GRID2: variants seen among roughly 807,000 people sequenced by gnomAD.
GRID2 encodes glutamate ionotropic receptor delta type subunit 2, also known as glutamate receptor ionotropic, delta-2.
In GRID2, 33 loss-of-function variants were observed where a neutral mutation model predicts 114.8. That is an observed-to-expected ratio of 0.29 (90% CI 0.22 to 0.38). The LOEUF is 0.38. Among genes scored for constraint, GRID2 ranks in the 10% least tolerant of loss-of-function variants. The pLI is 1.00. For synonymous variants in GRID2, 505 were observed against 449.9 expected (o/e 1.12, Z -1.55); for missense variants, 1,184 against 1,257.7 (o/e 0.94, Z 0.89).
At chr4:93,168,447 A>T (rs1168726872) in intron 4 of GRID2, among the ~76,000 whole-genome samples, 2 of 152,158 alleles carry the variant, frequency 1.3e-5, no homozygotes, top group Non-Finnish European at 2.9e-5. Context: ...ATGTGTGTAT[A>T]TATATGTATA....
At chr4:93,557,694 A>G (rs1734455391) in intron 13 of GRID2, among the ~76,000 whole-genome samples, 1 of 152,194 alleles carries the variant, frequency 6.6e-6, no homozygotes, top group South Asian at 2.1e-4. Flanking sequence ...CAGAAAGTTA[A>G]CAAGGATATT....
chr4:92,656,073 C>T (rs1732217445), intron 2 of GRID2, among the ~76,000 whole-genome samples: 1 of 151,624 alleles, frequency 6.6e-6, no homozygotes, highest in African/African-American at 2.4e-5. Flanking sequence ...TTTTATCTTG[C>T]AGAGTAGTAG....
At chr4:93,069,952 G>T (rs572295750) in intron 2 of GRID2, among the ~76,000 whole-genome samples, 182 of 152,216 alleles carry the variant, frequency 1.2e-3, no homozygotes, top group African/African-American at 4.0e-3. Flanking sequence ...TTACTTGGTT[G>T]TTGGTTGTTT....
chr4:93,097,838 AATGAGCC>A (rs1338647147), intron 3 of GRID2, among the ~76,000 whole-genome samples: 16 of 151,926 alleles, frequency 1.1e-4, no homozygotes, highest in Admixed American at 1.1e-3. Context: ...CATTGATCAA[AATGAGCC>A]ATTTTCTGGA....
intron 14 of GRID2, among the ~76,000 whole-genome samples, chr4:93,679,694 A>G (rs1725307084): frequency 6.6e-6 from 1 of 151,206 alleles, no homozygotes; most frequent in South Asian, 2.1e-4. Context: ...ACATAACAAA[A>G]TGAAGGCAGA....
At chr4:92,311,005 A>C (rs748742701) in intron 1 of GRID2, among the ~76,000 whole-genome samples, 3 of 152,088 alleles carry the variant, frequency 2.0e-5, no homozygotes, top group Non-Finnish European at 4.4e-5. Flanking sequence ...TATTCTGGAT[A>C]ACTAGTATCT....
chr4:92,594,615 C>T (rs1728861210), intron 2 of GRID2, among the ~76,000 whole-genome samples: 1 of 151,882 alleles, frequency 6.6e-6, no homozygotes, highest in African/African-American at 2.4e-5. Context: ...TGTTCTGCCA[C>T]CTCATTCAAC....
chr4:93,738,681 G>A (rs1323119678), intron 14 of GRID2, among the ~76,000 whole-genome samples: 4 of 152,088 alleles, frequency 2.6e-5, no homozygotes, highest in African/African-American at 9.7e-5. Context: ...TGCACACTTG[G>A]AGAAGGAGAG....
chr4:93,496,930 A>T (rs1580249021), intron 12 of GRID2, among the ~76,000 whole-genome samples: 1 of 151,874 alleles, frequency 6.6e-6, no homozygotes, highest in East Asian at 2.0e-4. Flanking sequence ...TGTTAAGTAT[A>T]TATTTGTTTT....
chr4:92,352,115 C>A (rs1327718554), intron 1 of GRID2, among the ~76,000 whole-genome samples: 1 of 151,878 alleles, frequency 6.6e-6, no homozygotes, highest in Non-Finnish European at 1.5e-5. Context: ...TTCCCATCAA[C>A]AGTGTATTAG....
At chr4:93,035,149 A>G (rs1724816163) in intron 2 of GRID2, among the ~76,000 whole-genome samples, 1 of 139,622 alleles carries the variant, frequency 7.2e-6, no homozygotes, top group African/African-American at 2.7e-5. Context: ...TCTGTCACCC[A>G]GGCTGCAGTG....
Position 93,694,541 on chromosome 4 carries a change from C to T in GRID2, c.2360+68106C>T, listed in dbSNP as rs371230113. 4.6e-5 allele frequency among the ~76,000 whole-genome samples: 7 copies of T among 152,190 alleles called. 1 individual carries two copies. The East Asian group carries it at 1.3e-3, about 29-fold the overall frequency. Reference sequence around the variant, plus strand: ...TTTCCATTGCATTGACTTATCACTTCTGTTTTAACACTTTTTGAAATCCAT... The same window carrying T: ...TTTCCATTGCATTGACTTATCACTTTTGTTTTAACACTTTTTGAAATCCAT... On this transcript the variant is annotated intron_variant, in intron 14 of 15. Transcript: ENST00000282020.
chr4:92,553,691 G>T (rs546811075), intron 1 of GRID2, among the ~76,000 whole-genome samples: 2 of 150,724 alleles, frequency 1.3e-5, no homozygotes, highest in African/African-American at 4.9e-5. Flanking sequence ...TCTCTCTGTC[G>T]CCCAGGCTGG....
intron 15 of GRID2, 106 bp downstream of exon 15, chr4:93,769,556 T>C: frequency 9.5e-7 from 1 of 1,053,232 alleles, no homozygotes; most frequent in Non-Finnish European, 1.4e-6. Context: ...TCCTTGTTTT[T>C]TCGTTTCTTG....
chr4:92,968,606 A>T lies in GRID2; in HGVS notation c.245-116389A>T, dbSNP rs567402642. 3.9e-5 allele frequency among the ~76,000 whole-genome samples: 6 copies of T among 152,050 alleles called. No individual in the cohort carries two copies. The South Asian group carries it at 1.2e-3, about 32-fold the overall frequency. Reference sequence around the variant, plus strand: ...CCTTAATTTATGGAGGTAATTTAGAAAACTTAAAAAATACATCATTCAATG... The same window carrying T: ...CCTTAATTTATGGAGGTAATTTAGATAACTTAAAAAATACATCATTCAATG... On this transcript the variant is annotated intron_variant, in intron 2 of 15. Coordinates refer to ENST00000282020, the MANE Select transcript of GRID2 (RefSeq NM_001510.4).
intron 1 of GRID2, among the ~76,000 whole-genome samples, chr4:92,540,074 G>A (rs1178289070): frequency 6.6e-6 from 1 of 152,060 alleles, no homozygotes; most frequent in Non-Finnish European, 1.5e-5. Context: ...AAATAGTGCT[G>A]GGAAAACTGG....
intron 1 of GRID2, among the ~76,000 whole-genome samples, chr4:92,487,420 A>G (rs1392838388): frequency 6.6e-6 from 1 of 151,964 alleles, no homozygotes; most frequent in Non-Finnish European, 1.5e-5. Context: ...AATGAATACT[A>G]CTACTAGAAC....
intron 10 of GRID2, among the ~76,000 whole-genome samples, chr4:93,443,135 C>G (rs28459987): frequency 0.18 from 27,641 of 151,896 alleles, 4,252 homozygotes; most frequent in African/African-American, 0.42. Context: ...AGCTACTGCT[C>G]TTTTTCCTAT....
At chr4:92,452,892 CAT>C (rs914949930) in intron 1 of GRID2, among the ~76,000 whole-genome samples, 8 of 143,432 alleles carry the variant, frequency 5.6e-5, no homozygotes, top group South Asian at 4.4e-4. Context: ...ATATATTTAC[CAT>C]ATATATATAT....
Sources: allele counts gnomAD v4.1 joint callset (sites outside exome capture counted in the v4.1 genomes callset), GRCh38; gene constraint gnomAD v4.1.1; transcripts MANE v1.5; gene names NCBI Gene and HGNC (gene_info 2026-07-23, HGNC 2026-07-21).